The following DCLK2 variants were observed in gnomAD, a reference collection of about 807,000 sequenced individuals.
DCLK2 encodes the protein doublecortin like kinase 2.
A neutral mutation model predicts 78.4 loss-of-function variants in DCLK2; 31 were observed. The ratio of observed to expected loss-of-function variants is 0.40; its 90% confidence interval spans 0.30 to 0.53. The LOEUF is 0.53. DCLK2 is among the 20% of genes least tolerant of loss of function. The pLI is 0.61. For synonymous variants in DCLK2, 407 were observed against 374.9 expected, an observed-to-expected ratio of 1.09 and a Z score of -0.99; for missense variants, 872 against 973.7, an observed-to-expected ratio of 0.90 and a Z score of 1.39.
At chr4:150,152,763 A>C (rs368446222) in intron 2 of DCLK2, among the ~76,000 whole-genome samples, 13 of 152,364 alleles carry the variant, frequency 8.5e-5, no homozygotes, top group African/African-American at 2.4e-4. Flanking sequence ...TGTTCAAAGA[A>C]TAATTTTTTT....
At chr4:150,228,870 C>G (rs889786382) in intron 8 of DCLK2, among the ~76,000 whole-genome samples, 1 of 151,134 alleles carries the variant, frequency 6.6e-6, no homozygotes, top group African/African-American at 2.4e-5. Context: ...ACTAAAAATA[C>G]AAAAAATTAG....
intron 2 of DCLK2, among the ~76,000 whole-genome samples, chr4:150,149,243 T>A (rs1204584545): frequency 6.6e-6 from 1 of 152,100 alleles, no homozygotes; most frequent in Non-Finnish European, 1.5e-5. Context: ...ATTTTAGTAA[T>A]TATGGAGCTT....
chr4:150,116,868 T>C (rs1227753158), intron 2 of DCLK2, among the ~76,000 whole-genome samples: 6 of 152,284 alleles, frequency 3.9e-5, no homozygotes, highest in African/African-American at 1.4e-4. Flanking sequence ...CTGGAGATGC[T>C]GTAATGTATT....
intron 2 of DCLK2, among the ~76,000 whole-genome samples, chr4:150,182,035 A>ATT (rs543323129): frequency 7.0e-6 from 1 of 142,518 alleles, no homozygotes; most frequent in Non-Finnish European, 1.5e-5. Context: ...TTCCCTGTTC[A>ATT]TTTTTTTTTT....
chr4:150,247,241 C>A (rs937473151), intron 12 of DCLK2, among the ~76,000 whole-genome samples: 1 of 152,060 alleles, frequency 6.6e-6, no homozygotes, highest in African/African-American at 2.4e-5. Context: ...TGATCATTCT[C>A]ACCATTTTTA....
intron 4 of DCLK2, among the ~76,000 whole-genome samples, chr4:150,200,225 A>G (rs1272255557): frequency 6.6e-6 from 1 of 152,246 alleles, no homozygotes; most frequent in African/African-American, 2.4e-5. Context: ...TTAGAAACTG[A>G]TTAAGGAAAA....
At chr4:150,234,416 G>A (rs960290621) in intron 10 of DCLK2, among the ~76,000 whole-genome samples, 4 of 152,274 alleles carry the variant, frequency 2.6e-5, no homozygotes, top group South Asian at 2.1e-4. Flanking sequence ...AACACATAAC[G>A]GACAGCAGAG....
At chr4:150,130,647 T>G (rs1355796611) in intron 2 of DCLK2, among the ~76,000 whole-genome samples, 1 of 152,060 alleles carries the variant, frequency 6.6e-6, no homozygotes, top group Admixed American at 6.5e-5. Context: ...ACAAAACTGA[T>G]ATAATGAAAA....
intron 1 of DCLK2, among the ~76,000 whole-genome samples, chr4:150,080,588 C>T (rs2150126088): frequency 6.6e-6 from 1 of 152,312 alleles, no homozygotes; most frequent in Non-Finnish European, 1.5e-5. Flanking sequence ...AGCTGAACAT[C>T]AAGCCAGATG....
chr4:150,238,742 C>T (rs1742688686), intron 10 of DCLK2, among the ~76,000 whole-genome samples: 1 of 152,160 alleles, frequency 6.6e-6, no homozygotes, highest in Admixed American at 6.5e-5. Context: ...AAGGGAGGTA[C>T]TGGCATTATC....
chr4:150,192,565 C>T (rs1347620771), intron 2 of DCLK2, among the ~76,000 whole-genome samples: 1 of 151,438 alleles, frequency 6.6e-6, no homozygotes, highest in Admixed American at 6.6e-5. Context: ...GCCTCATTAG[C>T]TTCATGGCAA....
chr4:150,247,789 C>G, intron 13 of DCLK2, 90 bp downstream of exon 13: 1 of 979,932 alleles, frequency 1.0e-6, no homozygotes, highest in Non-Finnish European at 1.5e-6. Flanking sequence ...GTATTGCATT[C>G]CAGAAAGCTC....
chr4:150,198,077 C>G lies in DCLK2; in HGVS notation c.935C>G (p.Ser312Cys). The G allele has an allele frequency of 6.2e-7, 1 of 1,613,692 alleles. No homozygotes were observed. The highest frequency in any genetic ancestry group is 8.5e-7 in the Non-Finnish European group (1 of 1,179,852). Reference protein sequence around the residue: ...KYSGSKSPGPSRRSKSPASVN... With the variant: ...KYSGSKSPGPCRRSKSPASVN... Reference sequence around the variant, plus strand: ...TCTGGATCCAAAAGCCCTGGGCCCTCTCGACGCAGCAAATCACCAGCTTCA... The same window carrying G: ...TCTGGATCCAAAAGCCCTGGGCCCTGTCGACGCAGCAAATCACCAGCTTCA... Residue 312 changes from serine (S) to cysteine (C), a missense_variant, in exon 4 of 16, where the codon TCT (serine) becomes TGT (cysteine). Around this residue, in one of 3 missense-constraint regions of DCLK2, gnomAD observed 567 missense variants for 593.4 expected, o/e 0.96. Transcript: ENST00000296550.
chr4:150,197,937 A>C, intron 3 of DCLK2, 65 bp from the exon 4 acceptor site: 1 of 1,314,008 alleles, frequency 7.6e-7, no homozygotes, highest in South Asian at 1.3e-5. Context: ...AAACAATTAC[A>C]TGTAACTCTG....
At chr4:150,081,832 A>T (rs1449447844) in intron 1 of DCLK2, among the ~76,000 whole-genome samples, 1 of 16,758 alleles carries the variant, frequency 6.0e-5, no homozygotes, top group Admixed American at 4.8e-4. Flanking sequence ...TCTCTACTTA[A>T]AAAAAAAAAA....
Position 150,248,326 on chromosome 4 carries a change from C to A in DCLK2, c.1897C>A (p.Gln633Lys). ...GTAGGAATTAATCAGTCAAATGCTTCAGGTAAATGTTGAAGCTCGGTGTAC... is the reference window on the plus strand; with the variant it reads ...GTAGGAATTAATCAGTCAAATGCTTAAGGTAAATGTTGAAGCTCGGTGTAC... Reference protein sequence around the residue: ...SAKELISQMLQVNVEARCTAG... With the variant: ...SAKELISQMLKVNVEARCTAG... Residue 633 changes from glutamine (Q) to lysine (K), a missense_variant, in exon 14 of 16, where the codon CAG (glutamine) becomes AAG (lysine). Physicochemically the swap from Gln to Lys is moderately conservative, Grantham distance 53. Coordinates refer to ENST00000296550, the MANE Select transcript of DCLK2 (RefSeq NM_001040260.4). 6.2e-7 allele frequency: 1 copy of A among 1,613,998 alleles called. No individual in the cohort carries two copies.
rs1278627807 is a variant in DCLK2 at position 150,078,743 on chromosome 4, G to A, written c.-285G>A. The A allele has an allele frequency of 4.8e-5, 14 of 288,922 alleles. 1 individual carries two copies. Among genetic ancestry groups the A allele is most frequent in the Middle Eastern group, 9.0e-4 (1 of 1,108 alleles). 17.9% of individuals were successfully genotyped at this position (288,922 alleles called of 1,614,324 possible). A position where few individuals can be genotyped will look rare whatever the true frequency, so the allele number is the denominator to read the frequency against. On this transcript the variant is annotated 5_prime_UTR_variant, in exon 1 of 16. Transcript: ENST00000296550. ...ACTTGTGAGGCGTGGCCGGGTGGAG[G>A]AGGCGCTTGCGGGGGCGTGGGGCTC... is the stretch of plus-strand genomic sequence containing the variant.
At chr4:150,252,172 G>C (rs1432617270) in intron 15 of DCLK2, among the ~76,000 whole-genome samples, 1 of 152,238 alleles carries the variant, frequency 6.6e-6, no homozygotes, top group Non-Finnish European at 1.5e-5. Flanking sequence ...GCATGAGAAT[G>C]TTTCCAGCGA....
intron 2 of DCLK2, among the ~76,000 whole-genome samples, chr4:150,142,403 A>G (rs1450374638): frequency 3.9e-5 from 6 of 152,130 alleles, no homozygotes; most frequent in Non-Finnish European, 8.8e-5. Flanking sequence ...AAACCATGGC[A>G]CCCTTCCAAT....
Sources: allele counts gnomAD v4.1 joint callset (sites outside exome capture counted in the v4.1 genomes callset), GRCh38; gene constraint gnomAD v4.1.1; regional missense constraint gnomAD v4.1.1; transcripts MANE v1.5; gene names NCBI Gene and HGNC (gene_info 2026-07-23, HGNC 2026-07-21).